The following PDE4D variants were observed in gnomAD, a reference collection of about 807,000 sequenced individuals.
PDE4D encodes the protein phosphodiesterase 4D.
PDE4D carries 24 observed loss-of-function variants against 87.4 expected under a neutral mutation model. That is an observed-to-expected ratio of 0.27 (90% CI 0.20 to 0.39). PDE4D has a LOEUF of 0.39. Ranked by LOEUF, PDE4D falls within the 10% of genes least tolerant of loss-of-function variation. PDE4D has a pLI of 1.00. For missense variants in PDE4D, 714 were observed against 1,041.0 expected, an observed-to-expected ratio of 0.69 and a Z score of 4.32; for synonymous variants, 384 against 383.2, an observed-to-expected ratio of 1.00 and a Z score of -0.02.
At chr5:60,109,816 A>T (rs1777478645) in intron 2 of PDE4D, among the ~76,000 whole-genome samples, 1 of 151,670 alleles carries the variant, frequency 6.6e-6, no homozygotes, top group Non-Finnish European at 1.5e-5. Context: ...AACAATGAGA[A>T]CACATGGACA....
chr5:60,404,954 A>T (rs1192315488), intron 1 of PDE4D, among the ~76,000 whole-genome samples: 2 of 152,248 alleles, frequency 1.3e-5, no homozygotes, highest in African/African-American at 4.8e-5. Context: ...ATCTTCTCAC[A>T]GAGGAGGAAA....
At chr5:59,486,031 A>G (rs1259116173) in intron 1 of PDE4D, among the ~76,000 whole-genome samples, 2 of 152,070 alleles carry the variant, frequency 1.3e-5, no homozygotes, top group Non-Finnish European at 2.9e-5. Flanking sequence ...AAGCTTGTAG[A>G]GAATGATCAA....
At chr5:59,697,325 T>C (rs771131839) in intron 1 of PDE4D, among the ~76,000 whole-genome samples, 2 of 152,192 alleles carry the variant, frequency 1.3e-5, no homozygotes, top group Admixed American at 1.3e-4. Flanking sequence ...TAATTATAAT[T>C]GTGTTAAATG....
At chr5:60,416,779 C>A (rs1742627758) in intron 1 of PDE4D, among the ~76,000 whole-genome samples, 2 of 152,210 alleles carry the variant, frequency 1.3e-5, no homozygotes, top group Admixed American at 1.3e-4. Flanking sequence ...GACTCTGGGG[C>A]TTTAGAGGAT....
chr5:59,663,465 C>T (rs1252414642), intron 1 of PDE4D, among the ~76,000 whole-genome samples: 2 of 152,140 alleles, frequency 1.3e-5, no homozygotes, highest in African/African-American at 2.4e-5. Context: ...GCCATCGTGC[C>T]CAGCCTCTGT....
At chr5:59,213,917 T>TGTTCCTCATCACCATGTACGTACATG (rs1750642239) in intron 2 of PDE4D, among the ~76,000 whole-genome samples, 1 of 152,060 alleles carries the variant, frequency 6.6e-6, no homozygotes, top group Non-Finnish European at 1.5e-5. Flanking sequence ...CTCTGCCCTT[T>TGTTCCTCATCACCATGTACGTACATG]GTTCCTCATC....
intron 1 of PDE4D, among the ~76,000 whole-genome samples, chr5:60,502,825 T>C (rs554108053): frequency 6.6e-6 from 1 of 152,306 alleles, no homozygotes; most frequent in African/African-American, 2.4e-5. Flanking sequence ...GCAGAACTTT[T>C]CTATCTGTAT....
chr5:59,077,199 A>G (rs1263577489), intron 5 of PDE4D, among the ~76,000 whole-genome samples: 1 of 152,224 alleles, frequency 6.6e-6, no homozygotes, highest in Non-Finnish European at 1.5e-5. Context: ...TACTCTTAGC[A>G]TAATGTCTAC....
chr5:59,642,660 G>A (rs1182255428), intron 1 of PDE4D, among the ~76,000 whole-genome samples: 1 of 152,126 alleles, frequency 6.6e-6, no homozygotes, highest in Admixed American at 6.6e-5. Flanking sequence ...ATGTGGAACT[G>A]TAAATCCAAT....
intron 1 of PDE4D, chr5:59,275,426 A>T (rs778599460): frequency 6.3e-7 from 1 of 1,595,036 alleles, no homozygotes; most frequent in South Asian, 1.1e-5. Context: ...AAAAAGGAAA[A>T]TAAGTCTTCA....
intron 1 of PDE4D, among the ~76,000 whole-genome samples, chr5:60,197,017 G>GCAGA (rs1562208089): frequency 3.5e-5 from 3 of 85,844 alleles, no homozygotes; most frequent in African/African-American, 7.8e-5. Context: ...AACAAGATAG[G>GCAGA]CAGATAGATA....
chr5:59,870,934 A>G (rs565781266), intron 1 of PDE4D, among the ~76,000 whole-genome samples: 1 of 152,244 alleles, frequency 6.6e-6, no homozygotes, highest in Non-Finnish European at 1.5e-5. Context: ...GGATACATGT[A>G]ATTCATTTTT....
At chr5:59,505,609 ACATTTTG>A (rs2153666284) in intron 1 of PDE4D, among the ~76,000 whole-genome samples, 1 of 152,350 alleles carries the variant, frequency 6.6e-6, no homozygotes, top group East Asian at 1.9e-4. Flanking sequence ...TAAGCATTTT[ACATTTTG>A]CATATATCAT....
intron 1 of PDE4D, among the ~76,000 whole-genome samples, chr5:59,286,619 A>G (rs1301488460): frequency 6.6e-6 from 1 of 152,172 alleles, no homozygotes; most frequent in African/African-American, 2.4e-5. Flanking sequence ...AGGAATCACG[A>G]CTTTCAAATA....
At chr5:60,135,159 C>T (rs1779927263) in intron 2 of PDE4D, among the ~76,000 whole-genome samples, 1 of 152,122 alleles carries the variant, frequency 6.6e-6, no homozygotes, top group African/African-American at 2.4e-5. Context: ...AAAAGAGGTC[C>T]AAGAGAGACC....
intron 6 of PDE4D, among the ~76,000 whole-genome samples, chr5:59,038,233 A>G (rs753378569): frequency 2.0e-4 from 31 of 152,214 alleles, no homozygotes; most frequent in Non-Finnish European, 3.7e-4. Flanking sequence ...CTTAGCACAT[A>G]TGGCACAGAT....
intron 1 of PDE4D, among the ~76,000 whole-genome samples, chr5:59,402,866 C>T (rs1157985738): frequency 6.6e-6 from 1 of 152,022 alleles, no homozygotes; most frequent in Non-Finnish European, 1.5e-5. Flanking sequence ...CTCTCTACTT[C>T]CCTCTTTCTA....
At chr5:59,149,548 G>C (rs957589406) in intron 5 of PDE4D, among the ~76,000 whole-genome samples, 2 of 152,008 alleles carry the variant, frequency 1.3e-5, no homozygotes, top group South Asian at 2.1e-4. Context: ...CGGTTGTAAA[G>C]AGCTTGAATG....
At chr5:58,997,941 T>G (rs1294498711) in intron 6 of PDE4D, among the ~76,000 whole-genome samples, 1 of 152,098 alleles carries the variant, frequency 6.6e-6, no homozygotes, top group African/African-American at 2.4e-5. Flanking sequence ...CTGGGTATAT[T>G]ATATATCCTC....
Sources: allele counts gnomAD v4.1 joint callset (sites outside exome capture counted in the v4.1 genomes callset), GRCh38; gene constraint gnomAD v4.1.1; transcripts MANE v1.5; gene names NCBI Gene and HGNC (gene_info 2026-07-23, HGNC 2026-07-21).